TMEM230: variants seen among roughly 807,000 people sequenced by gnomAD.
The protein encoded by TMEM230 is UPF0414 transmembrane protein C20orf30.
In TMEM230, 10 loss-of-function variants were observed where a neutral mutation model predicts 15.8. The ratio of observed to expected loss-of-function variants is 0.63; its 90% confidence interval spans 0.39 to 1.07. The LOEUF is 1.07. Among genes scored for constraint, TMEM230 ranks in the 50% least tolerant of loss-of-function variants. The pLI is 0.01. For missense variants in TMEM230, 165 were observed against 193.3 expected (o/e 0.85, Z 0.87); for synonymous variants, 67 against 76.9 (o/e 0.87, Z 0.68).
downstream of TMEM230, among the ~76,000 whole-genome samples, chr20:5,063,305 T>TTTTTA (rs1481644125): frequency 7.0e-6 from 1 of 142,702 alleles, no homozygotes; most frequent in African/African-American, 2.7e-5. Flanking sequence ...TTTTTTTTTT[T>TTTTTA]GAGATGGAGT....
chr20:5,098,948 C>CT (rs1414095150), downstream of TMEM230, among the ~76,000 whole-genome samples: 3 of 152,168 alleles, frequency 2.0e-5, no homozygotes, highest in South Asian at 2.1e-4. Flanking sequence ...TGAATGTACA[C>CT]TCTCCACTCC....
intron 3 of TMEM230, among the ~76,000 whole-genome samples, chr20:5,085,071 C>T (rs758699367): frequency 6.6e-6 from 1 of 152,122 alleles, no homozygotes; most frequent in Non-Finnish European, 1.5e-5. Context: ...CAAGGTTGTA[C>T]CTAATATCCT....
intron 3 of TMEM230, among the ~76,000 whole-genome samples, chr20:5,071,615 C>A (rs2088828730): frequency 2.0e-5 from 2 of 99,022 alleles, no homozygotes; most frequent in African/African-American, 7.6e-5. Flanking sequence ...AAGAGCGAAA[C>A]TCCGTCTCAA....
At chr20:5,074,637 T>C (rs1259039345) in intron 3 of TMEM230, among the ~76,000 whole-genome samples, 2 of 143,768 alleles carry the variant, frequency 1.4e-5, no homozygotes, top group Non-Finnish European at 2.9e-5. Flanking sequence ...GGCCCAGCTA[T>C]AGAATTTAAG....
At chr20:5,088,723 A>G (rs1347685424) in intron 3 of TMEM230, among the ~76,000 whole-genome samples, 1 of 151,896 alleles carries the variant, frequency 6.6e-6, no homozygotes, top group African/African-American at 2.4e-5. Context: ...TATGTTACCC[A>G]GGCTGGTTTC....
Position 5,069,026 on chromosome 20 carries a change from C to T in TMEM230, c.*162G>A, listed in dbSNP as rs149423701. 5.9e-5 allele frequency: 39 copies of T among 661,244 alleles called. 1 individual carries two copies. In the East Asian group the frequency reaches 1.1e-3, roughly 19 times the overall value. 41.0% of individuals were successfully genotyped at this position (661,244 alleles called of 1,614,324 possible). ...GCAGCTGGAATTCCTTTGGCCTGCT[C>T]CTCTAGGCATATGGAACATTCCCTC... On this transcript the variant is annotated 3_prime_UTR_variant, in exon 4 of 4. Transcript: ENST00000612323.
chr20:5,082,602 C>A (rs2089214393), intron 3 of TMEM230, among the ~76,000 whole-genome samples: 1 of 151,948 alleles, frequency 6.6e-6, no homozygotes, highest in African/African-American at 2.4e-5. Flanking sequence ...ACCACCACAC[C>A]CAGCTAATTT....
rs111638126 is a variant in TMEM230 at position 5,084,322 on chromosome 20, C to G, written c.223-14973G>C. Among the ~76,000 whole-genome samples, 63 of 150,290 alleles carry G rather than the reference C, an allele frequency of 4.2e-4. 2 individuals are homozygous for G. Among genetic ancestry groups the G allele is most frequent in the South Asian group, 4.0e-3 (19 of 4,788 alleles). On this transcript the variant is annotated intron_variant, in intron 3 of 3. Coordinates refer to the TMEM230 transcript ENST00000612323. ...CACTGCAACCTCCACCTCTTGGGTT[C>G]AAGAGATTCTCCTGCCTCAGCCCCC...
At chr20:5,075,354 C>T (rs138543218) in intron 3 of TMEM230, among the ~76,000 whole-genome samples, 2 of 151,690 alleles carry the variant, frequency 1.3e-5, no homozygotes, top group Non-Finnish European at 2.9e-5. Context: ...CGTAAGCCAC[C>T]GCGCCCGGCC....
chr20:5,074,409 C>T (rs1328886090), intron 3 of TMEM230, among the ~76,000 whole-genome samples: 2 of 152,030 alleles, frequency 1.3e-5, no homozygotes, highest in Non-Finnish European at 2.9e-5. Context: ...TAGTTTCCCC[C>T]TTATATTTAC....
At chr20:5,111,804 C>A (rs2090338080) in intron 1 of TMEM230, 1 of 979,398 alleles carries the variant, frequency 1.0e-6, no homozygotes, top group Non-Finnish European at 1.2e-6. Context: ...GTACTTTGTA[C>A]ATACCTAATT....
chr20:5,112,205 T>C (rs1489487936), intron 1 of TMEM230, among the ~76,000 whole-genome samples: 2 of 152,258 alleles, frequency 1.3e-5, no homozygotes, highest in Non-Finnish European at 2.9e-5. Context: ...TAATTGGTGC[T>C]AAATATTAAT....
intron 2 of TMEM230, among the ~76,000 whole-genome samples, chr20:5,109,680 C>G (rs994831844): frequency 6.6e-6 from 1 of 152,204 alleles, no homozygotes; most frequent in African/African-American, 2.4e-5. Flanking sequence ...TATTAAATAT[C>G]TAGTCTGGTC....
At chr20:5,094,318 C>A (rs1209788903) in intron 3 of TMEM230, among the ~76,000 whole-genome samples, 2 of 151,888 alleles carry the variant, frequency 1.3e-5, no homozygotes, top group Non-Finnish European at 2.9e-5. Flanking sequence ...CATCACAGGT[C>A]ACTGTAGCTT....
intron 4 of TMEM230, 103 bp from the exon 4 acceptor site, chr20:5,101,034 G>A: frequency 7.4e-7 from 1 of 1,359,276 alleles, no homozygotes; most frequent in Non-Finnish European, 9.7e-7. Context: ...ATACTCTTCA[G>A]TACTTTTTCT....
At chr20:5,112,779 C>G (rs149865687) in intron 1 of TMEM230, 182 bp downstream of exon 1, 19 of 1,481,210 alleles carry the variant, frequency 1.3e-5, no homozygotes, top group Non-Finnish European at 1.7e-5. Context: ...AAATAAGAAC[C>G]GACGCGAATT....
At chr20:5,108,603 A>AG (rs1252108808) in intron 3 of TMEM230, among the ~76,000 whole-genome samples, 1 of 152,184 alleles carries the variant, frequency 6.6e-6, no homozygotes, top group African/African-American at 2.4e-5. Context: ...GAAGCTTCCC[A>AG]GATCTTTCCA....
At chr20:5,108,569 C>T (rs1035821834) in intron 3 of TMEM230, among the ~76,000 whole-genome samples, 13 of 152,152 alleles carry the variant, frequency 8.5e-5, no homozygotes, top group Non-Finnish European at 1.2e-4. Flanking sequence ...TTTGGCTCAT[C>T]GTTGTATCTG....
chr20:5,070,163 C>T (rs555576040), intron 3 of TMEM230, among the ~76,000 whole-genome samples: 58 of 152,144 alleles, frequency 3.8e-4, no homozygotes, highest in Non-Finnish European at 7.5e-4. Flanking sequence ...AGACCCCAGC[C>T]CCCATGCTAA....
Sources: allele counts gnomAD v4.1 joint callset (sites outside exome capture counted in the v4.1 genomes callset), GRCh38; gene constraint gnomAD v4.1.1; transcripts MANE v1.5; gene names NCBI Gene and HGNC (gene_info 2026-07-23, HGNC 2026-07-21).